SEC23IP: variants seen among roughly 807,000 people sequenced by gnomAD.
The protein encoded by SEC23IP is SEC23-interacting protein.
A neutral mutation model predicts 113.4 loss-of-function variants in SEC23IP; 70 were observed. The ratio of observed to expected loss-of-function variants is 0.62; its 90% CI spans 0.51 to 0.75. The LOEUF (loss-of-function observed/expected upper bound fraction) is 0.75. Among genes scored for constraint, SEC23IP ranks in the 30% least tolerant of loss-of-function variants. The pLI is 0.00. For missense variants in SEC23IP, 1,160 were observed against 1,204.9 expected, an observed-to-expected ratio of 0.96 and a Z score of 0.55; for synonymous variants, 398 against 421.0, an observed-to-expected ratio of 0.95 and a Z score of 0.67.
chr10:119,908,204 C>T (rs1211879027), intron 4 of SEC23IP, among the ~76,000 whole-genome samples: 4 of 152,022 alleles, frequency 2.6e-5, no homozygotes. Context: ...GATGGTTGGA[C>T]AGTGAAGATT....
intron 10 of SEC23IP, among the ~76,000 whole-genome samples, chr10:119,918,841 A>C (rs1855141816): frequency 6.6e-6 from 1 of 152,170 alleles, no homozygotes; most frequent in Non-Finnish European, 1.5e-5. Context: ...TTAGAAATGG[A>C]ATGGAATCAT....
At chr10:119,916,509 G>C (rs564145654) in intron 8 of SEC23IP, among the ~76,000 whole-genome samples, 69 of 152,330 alleles carry the variant, frequency 4.5e-4, no homozygotes, top group Admixed American at 1.7e-3. Flanking sequence ...TAATGTTTCA[G>C]GGTACATAGT....
chr10:119,914,623 TTCTTTGG>T (rs771946461), intron 6 of SEC23IP, 100 bp from the exon 7 acceptor site: 24 of 863,270 alleles, frequency 2.8e-5, no homozygotes, highest in Non-Finnish European at 4.4e-5. Context: ...GGTCATGAAT[TTCTTTGG>T]CAAGTTTGTG....
At position 119,892,956 on chromosome 10, in the gene SEC23IP, G is replaced by C. The variant is rs1374753954; in HGVS notation, c.163+11G>C. 1 of 1,608,934 alleles carries C rather than the reference G, an allele frequency of 6.2e-7. No homozygotes were observed. The highest frequency in any genetic ancestry group is 2.2e-5 in the East Asian group (1 of 44,636). ...TGCTCTTACCGGGAGGTAATAAGGG[G>C]AGGGCGGCCCCGTGTGTGGTGGGAG... On this transcript the variant is annotated intron_variant, in intron 1 of 18. Coordinates refer to ENST00000369075, the MANE Select transcript of SEC23IP (RefSeq NM_007190.4).
At position 119,892,925 on chromosome 10, in the gene SEC23IP, C is replaced by T; in HGVS notation, c.143C>T (p.Ala48Val). ...GTCACCCAGGCCTCCGCTTCTCCGG[C>T]CTCCCTGCTCTTACCGGGAGGTAAT... Reference protein sequence around the residue: ...IPVTQASASPASLLLPGEDST... With the variant: ...IPVTQASASPVSLLLPGEDST... Residue 48 changes from alanine (A) to valine (V), a missense_variant, in exon 1 of 19, where the codon GCC becomes GTC. Ala to Val is a moderately conservative substitution (Grantham distance 64). Coordinates refer to ENST00000369075, the MANE Select transcript of SEC23IP (RefSeq NM_007190.4). 1 of 1,612,820 alleles carries T rather than the reference C, an allele frequency of 6.2e-7. No individual in the cohort carries two copies. The highest frequency in any genetic ancestry group is 8.5e-7 in the Non-Finnish European group (1 of 1,179,406).
chr10:119,936,684 AT>A (rs1216220671), intron 18 of SEC23IP, among the ~76,000 whole-genome samples: 1 of 151,740 alleles, frequency 6.6e-6, no homozygotes, highest in Non-Finnish European at 1.5e-5. Context: ...GGTATTACTG[AT>A]TAAAAAATTT....
intron 7 of SEC23IP, 125 bp downstream of exon 7, chr10:119,914,944 T>C: frequency 1.2e-6 from 1 of 833,354 alleles, no homozygotes. Context: ...AAGAGGAAAT[T>C]TAAATGGTCA....
chr10:119,915,836 C>T lies in SEC23IP; in HGVS notation c.1491C>T (p.Phe497=). The change falls in exon 8 of 19, where the codon TTC becomes TTT. Residue 497 remains phenylalanine (F), a synonymous_variant. Coordinates refer to ENST00000369075, the MANE Select transcript of SEC23IP (RefSeq NM_007190.4). ...LDDGKVSRVE[F]LPVHWHSSLG... ...ACGGGAAAGTAAGCAGAGTGGAGTT[C>T]CTTCCAGTTCATTGGCATAGTTCTT... The T allele has an allele frequency of 2.5e-6, 4 of 1,600,384 alleles. No individual in the cohort carries two copies. Among genetic ancestry groups the T allele is most frequent in the Non-Finnish European group, 3.4e-6 (4 of 1,172,628 alleles).
intron 18 of SEC23IP, among the ~76,000 whole-genome samples, chr10:119,937,094 C>G (rs535435984): frequency 1.5e-4 from 23 of 151,224 alleles, no homozygotes; most frequent in Non-Finnish European, 3.2e-4. Flanking sequence ...TCACTGTGGT[C>G]TCGATCTCCT....
chr10:119,905,621 GT>G (rs1448142067), intron 4 of SEC23IP, among the ~76,000 whole-genome samples: 1 of 152,236 alleles, frequency 6.6e-6, no homozygotes, highest in African/African-American at 2.4e-5. Context: ...TCAGCATCCT[GT>G]TGGTGATCCT....
At position 119,915,738 on chromosome 10, in the gene SEC23IP, T is replaced by G. The variant is rs1855029026; in HGVS notation, c.1403-10T>G. ...TAATTTATTTTCTCTTTTTTTTTTTTCTTTTGAAGTGGATGATTTTAGGGT... is the reference window on the plus strand; with the variant it reads ...TAATTTATTTTCTCTTTTTTTTTTTGCTTTTGAAGTGGATGATTTTAGGGT... On this transcript the variant is annotated splice_polypyrimidine_tract_variant and intron_variant, in intron 7 of 18. Transcript: ENST00000369075. The G allele has an allele frequency of 1.3e-6, 2 of 1,519,208 alleles. No individual in the cohort carries two copies. The highest frequency in any genetic ancestry group is 8.8e-7 in the Non-Finnish European group (1 of 1,132,480). 94.1% of individuals were successfully genotyped at this position (1,519,208 alleles called of 1,614,324 possible).
chr10:119,912,826 A>C (rs1854911597), intron 6 of SEC23IP, among the ~76,000 whole-genome samples: 1 of 151,926 alleles, frequency 6.6e-6, no homozygotes, highest in South Asian at 2.1e-4. Context: ...TTTTTAGTAG[A>C]GATGTGGTTT....
chr10:119,894,977 C>T (rs1854226591), intron 1 of SEC23IP, among the ~76,000 whole-genome samples: 1 of 151,756 alleles, frequency 6.6e-6, no homozygotes, highest in Non-Finnish European at 1.5e-5. Flanking sequence ...CTCTAAAAAT[C>T]TCAGAAACCC....
chr10:119,926,367 AT>A, intron 13 of SEC23IP, 140 bp downstream of exon 13: 1 of 875,192 alleles, frequency 1.1e-6, no homozygotes, highest in Non-Finnish European at 1.7e-6. Flanking sequence ...CTTAGTGAAA[AT>A]TTTTTTCTTC....
chr10:119,917,067 CTG>C (rs759770455), intron 8 of SEC23IP, among the ~76,000 whole-genome samples: 4 of 152,198 alleles, frequency 2.6e-5, no homozygotes, highest in Non-Finnish European at 5.9e-5. Flanking sequence ...TGGGGTCTCA[CTG>C]TGTTGCTCAA....
In SEC23IP at chr10:119,915,268, C is replaced by T. The variant is rs561113752; in HGVS notation, c.1402+449C>T. Among the ~76,000 whole-genome samples the T allele has an allele frequency of 1.2e-4, 18 of 152,242 alleles. No individual in the cohort carries two copies. The South Asian group carries it at 3.5e-3, about 30-fold the overall frequency. Reference sequence around the variant, plus strand: ...ATGCCAAGTATCTTAGATGCCTTGTCATTTGACCCTCACAAATAAACCTTT... The same window carrying T: ...ATGCCAAGTATCTTAGATGCCTTGTTATTTGACCCTCACAAATAAACCTTT... On this transcript the variant is annotated intron_variant, in intron 7 of 18. Transcript: ENST00000369075.
rs528625793 is a variant in SEC23IP, at chr10:119,901,809, C to G, written c.697-990C>G. On this transcript the variant is annotated intron_variant, in intron 2 of 18. Transcript: ENST00000369075. ...TCAAGCGATTCTCCTGCCTCAGCCTCCCAAGTAGCTGGGATTGCAGGCCTG... is the reference window on the plus strand; with the variant it reads ...TCAAGCGATTCTCCTGCCTCAGCCTGCCAAGTAGCTGGGATTGCAGGCCTG... 3.0e-4 allele frequency among the ~76,000 whole-genome samples: 46 copies of G among 152,266 alleles called. 1 individual carries two copies. The South Asian group carries it at 8.9e-3, about 30-fold the overall frequency.
intron 13 of SEC23IP, among the ~76,000 whole-genome samples, chr10:119,927,647 T>C (rs1461362004): frequency 6.6e-6 from 1 of 152,214 alleles, no homozygotes; most frequent in Non-Finnish European, 1.5e-5. Flanking sequence ...CATTTTAACT[T>C]GATTACCTTT....
intron 12 of SEC23IP, 27 bp from the exon 13 acceptor site, chr10:119,926,009 A>C (rs1400500800): frequency 6.3e-7 from 1 of 1,581,994 alleles, no homozygotes; most frequent in Non-Finnish European, 8.6e-7. Context: ...TCTCATGATT[A>C]TGTTACTAAA....
Sources: gnomAD v4.1 joint callset for allele counts (sites outside exome capture counted in the v4.1 genomes callset) on GRCh38, gnomAD v4.1.1 for gene constraint, MANE v1.5 for transcripts, NCBI Gene and HGNC (gene_info 2026-07-23, HGNC 2026-07-21) for gene names.